TAFA4: variants seen among roughly 807,000 people sequenced by gnomAD.
The protein encoded by TAFA4 is TAFA chemokine like family member 4.
TAFA4 carries 20 observed loss-of-function variants against 21.1 expected under a neutral mutation model. That is an observed-to-expected ratio of 0.95 (90% CI 0.67 to 1.38). The LOEUF (loss-of-function observed/expected upper bound fraction) is 1.38. TAFA4 is among the 40% of genes most tolerant of loss of function. TAFA4 has a pLI of 0.00. For missense variants in TAFA4, 211 were observed against 180.9 expected (o/e 1.17, Z -0.95); for synonymous variants, 71 against 67.4 (o/e 1.05, Z -0.26).
chr3:68,884,752 G>A (rs1213392513), intron 2 of TAFA4, among the ~76,000 whole-genome samples: 5 of 152,286 alleles, frequency 3.3e-5, no homozygotes, highest in Non-Finnish European at 7.4e-5. Flanking sequence ...CAAATCCTGG[G>A]CAATGATCCC....
At chr3:68,797,636 A>G (rs1198075352) in intron 3 of TAFA4, among the ~76,000 whole-genome samples, 2 of 150,352 alleles carry the variant, frequency 1.3e-5, no homozygotes, top group Non-Finnish European at 3.0e-5. Context: ...AAAAAAAAGG[A>G]AGGCAGTTCT....
At chr3:68,779,185 A>T (rs1421844623) in intron 3 of TAFA4, among the ~76,000 whole-genome samples, 1 of 152,150 alleles carries the variant, frequency 6.6e-6, no homozygotes, top group Non-Finnish European at 1.5e-5. Context: ...TATCTACTGG[A>T]AGAAATTTCT....
intron 3 of TAFA4, among the ~76,000 whole-genome samples, chr3:68,847,101 C>A (rs1376888422): frequency 6.6e-6 from 1 of 152,238 alleles, no homozygotes; most frequent in Non-Finnish European, 1.5e-5. Flanking sequence ...TTTAAATCTG[C>A]TGAAGCTGTG....
intron 3 of TAFA4, among the ~76,000 whole-genome samples, chr3:68,873,197 G>C (rs567422417): frequency 6.6e-6 from 1 of 152,068 alleles, no homozygotes; most frequent in African/African-American, 2.4e-5. Flanking sequence ...ACAAATTCCA[G>C]ATCAGTACAA....
intron 1 of TAFA4, among the ~76,000 whole-genome samples, chr3:68,918,122 C>T (rs1017638922): frequency 2.8e-5 from 3 of 105,844 alleles, no homozygotes; most frequent in African/African-American, 1.3e-4. Context: ...GAGAGGAAGC[C>T]AGACACACAT....
At chr3:68,766,585 TAAAG>T (rs1702859528) in intron 3 of TAFA4, among the ~76,000 whole-genome samples, 1 of 147,934 alleles carries the variant, frequency 6.8e-6, no homozygotes, top group Admixed American at 6.7e-5. Flanking sequence ...AAAGCAAAGA[TAAAG>T]AGATGAAAAT....
chr3:68,908,965 TA>T (rs2089929684), intron 1 of TAFA4, among the ~76,000 whole-genome samples: 1 of 152,220 alleles, frequency 6.6e-6, no homozygotes, highest in Non-Finnish European at 1.5e-5. Flanking sequence ...AAACATTCTC[TA>T]TCTCCAATGC....
intron 5 of TAFA4, among the ~76,000 whole-genome samples, chr3:68,734,957 G>C (rs1702212544): frequency 6.6e-6 from 1 of 152,094 alleles, no homozygotes; most frequent in Admixed American, 6.6e-5. Context: ...ATGATAAAAT[G>C]CTCTCAGACT....
In TAFA4 at chr3:68,820,151, G is replaced by C. The variant is rs568788184; in HGVS notation, c.130+60579C>G. On this transcript the variant is annotated intron_variant, in intron 3 of 5. Coordinates refer to ENST00000295569, the MANE Select transcript of TAFA4 (RefSeq NM_182522.5). The stretch of plus-strand genomic sequence containing the variant: ...ATTTGGAATAACACAGATGAACCTG[G>C]AGGACATTATGTTAAGTGAAGTAAG... Among the ~76,000 whole-genome samples the C allele has an allele frequency of 2.6e-5, 4 of 152,276 alleles. No homozygotes were observed. The South Asian group carries it at 8.3e-4, about 32-fold the overall frequency.
chr3:68,831,978 G>A (rs919284796), intron 3 of TAFA4, among the ~76,000 whole-genome samples: 5 of 152,084 alleles, frequency 3.3e-5, no homozygotes, highest in African/African-American at 9.7e-5. Context: ...ATTGGCTACT[G>A]AAGCTTGTGT....
intron 1 of TAFA4, among the ~76,000 whole-genome samples, chr3:68,891,474 A>G (rs775764702): frequency 5.3e-5 from 8 of 152,048 alleles, no homozygotes; most frequent in Non-Finnish European, 5.9e-5. Flanking sequence ...TTCATCTCTG[A>G]CCTCCCGGGC....
Position 68,732,904 on chromosome 3 carries a change from G to C in TAFA4, c.*238C>G. 1 of 524,138 alleles carries C rather than the reference G, an allele frequency of 1.9e-6. No individual in the cohort carries two copies. The highest frequency in any genetic ancestry group is 3.2e-5 in the Admixed American group (1 of 31,220). 32.5% of individuals were successfully genotyped at this position (524,138 alleles called of 1,614,324 possible). ...CGGATTTTGGAGGTATGCTCCTTGG[G>C]AATCCAGAGAGGATGTCAAATGGGT... On this transcript the variant is annotated 3_prime_UTR_variant, in exon 6 of 6. Transcript: ENST00000295569.
intron 3 of TAFA4, among the ~76,000 whole-genome samples, chr3:68,786,129 G>A (rs1411142351): frequency 6.6e-6 from 1 of 152,114 alleles, no homozygotes; most frequent in Non-Finnish European, 1.5e-5. Context: ...TGGATGACAT[G>A]GAGAGCATTC....
At chr3:68,848,775 C>T (rs938186991) in intron 3 of TAFA4, among the ~76,000 whole-genome samples, 2 of 152,118 alleles carry the variant, frequency 1.3e-5, no homozygotes, top group Admixed American at 1.3e-4. Context: ...AAGTCCCTAG[C>T]CCCTCTGCCA....
intron 4 of TAFA4, among the ~76,000 whole-genome samples, chr3:68,741,741 G>C (rs915810306): frequency 6.6e-6 from 1 of 152,056 alleles, no homozygotes; most frequent in Admixed American, 6.6e-5. Context: ...GCAGTGAGCT[G>C]AGATCACGCC....
At chr3:68,830,546 T>C (rs1704358720) in intron 3 of TAFA4, among the ~76,000 whole-genome samples, 1 of 152,222 alleles carries the variant, frequency 6.6e-6, no homozygotes, top group East Asian at 1.9e-4. Flanking sequence ...CACTGTGGTC[T>C]GAGAGACAGT....
At chr3:68,818,692 G>C (rs997342527) in intron 3 of TAFA4, among the ~76,000 whole-genome samples, 6 of 152,138 alleles carry the variant, frequency 3.9e-5, no homozygotes, top group African/African-American at 1.4e-4. Context: ...ATGGGAGAAC[G>C]GCTGGTCAGT....
intron 3 of TAFA4, among the ~76,000 whole-genome samples, chr3:68,855,463 AC>A (rs1170084204): frequency 1.3e-5 from 2 of 152,100 alleles, no homozygotes; most frequent in Non-Finnish European, 2.9e-5. Context: ...AATTTAGCAA[AC>A]CCAAAATGCC....
intron 3 of TAFA4, among the ~76,000 whole-genome samples, chr3:68,830,500 G>C (rs897076547): frequency 2.0e-5 from 3 of 152,194 alleles, no homozygotes; most frequent in Non-Finnish European, 2.9e-5. Flanking sequence ...GTGCAGTTTT[G>C]AGTGAGTTTT....
Sources: allele counts gnomAD v4.1 joint callset (sites outside exome capture counted in the v4.1 genomes callset), GRCh38; gene constraint gnomAD v4.1.1; transcripts MANE v1.5; gene names NCBI Gene and HGNC (gene_info 2026-07-23, HGNC 2026-07-21).